The following WDFY3 variants were observed in gnomAD, a reference collection of about 807,000 sequenced individuals.
WDFY3 encodes WD repeat and FYVE domain containing 3, also known as WD repeat and FYVE domain-containing protein 3.
WDFY3 carries 66 observed loss-of-function variants against 409.6 expected under a neutral mutation model. The ratio of observed to expected loss-of-function variants is 0.16; its 90% CI spans 0.13 to 0.20. The LOEUF is 0.20. Among genes scored for constraint, WDFY3 ranks in the 10% least tolerant of loss-of-function variants. WDFY3 has a pLI of 1.00. For synonymous variants in WDFY3, 1,521 were observed against 1,537.1 expected, an observed-to-expected ratio of 0.99 and a Z score of 0.25; for missense variants, 3,031 against 4,298.1, an observed-to-expected ratio of 0.71 and a Z score of 8.24.
chr4:84,684,237 A>C lies in WDFY3; in HGVS notation c.9544-112T>G, dbSNP rs962293574. 9 of 1,006,160 alleles carry C rather than the reference A, an allele frequency of 8.9e-6. No individual in the cohort carries two copies. The Admixed American group carries it at 2.5e-4, about 28-fold the overall frequency. 62.3% of individuals were successfully genotyped at this position (1,006,160 alleles called of 1,614,324 possible). On this transcript the variant is annotated intron_variant, in intron 62 of 67. Coordinates refer to ENST00000295888, the MANE Select transcript of WDFY3 (RefSeq NM_014991.6). ...TCTCAGAAAGCCTTTCAGTCCTAAG[A>C]CTAGTGGCTAATTTCTTAGGTAACC...
In WDFY3 at chr4:84,794,512, TACTG is replaced by T; in HGVS notation, c.3487+3_3487+6del. Reference sequence around the variant, plus strand: ...ATCAAAAGAAGAAAACAAAAAAAAATACTGACCATAATTTTGGAGGAGTTCCTCT... The same window carrying T: ...ATCAAAAGAAGAAAACAAAAAAAAATACCATAATTTTGGAGGAGTTCCTCT... On this transcript the variant is annotated splice_donor_5th_base_variant and intron_variant, in intron 21 of 67. Coordinates refer to ENST00000295888, the MANE Select transcript of WDFY3 (RefSeq NM_014991.6). 1 of 1,606,876 alleles carries T rather than the reference TACTG, an allele frequency of 6.2e-7. No homozygotes were observed. Among genetic ancestry groups the T allele is most frequent in the East Asian group, 2.2e-5 (1 of 44,820 alleles).
At chr4:84,814,537 C>A (rs1752990490) in intron 13 of WDFY3, among the ~76,000 whole-genome samples, 1 of 152,124 alleles carries the variant, frequency 6.6e-6, no homozygotes, top group Non-Finnish European at 1.5e-5. Flanking sequence ...AAATCTCACA[C>A]TGCCCCACAC....
chr4:84,728,338 G>T (rs189334508), intron 44 of WDFY3, among the ~76,000 whole-genome samples: 27 of 152,208 alleles, frequency 1.8e-4, no homozygotes, highest in Admixed American at 1.7e-3. Flanking sequence ...AGACCAGCCT[G>T]GGCAACATAG....
Position 84,733,539 on chromosome 4 carries a change from C to A in WDFY3, c.7064G>T (p.Arg2355Leu). The A allele has an allele frequency of 1.2e-6, 2 of 1,614,130 alleles. No homozygotes were observed. The highest frequency in any genetic ancestry group is 1.7e-6 in the Non-Finnish European group (2 of 1,180,028). ...CQIECELLRE[R>L]GLWGPPIGSH... The stretch of plus-strand genomic sequence containing the variant: ...GCCGATGGGAGGGCCCCACAGCCCC[C>A]GCTCCCTCAACAGCTCGCACTCGAT... The change falls in exon 44 of 68, where the codon CGG (arginine) becomes CTG (leucine). Residue 2355 changes from arginine (R) to leucine (L), a missense_variant. This residue lies in a region of WDFY3 where 98 missense variants were observed against 194.9 expected (regional missense o/e 0.50). Coordinates refer to ENST00000295888, the MANE Select transcript of WDFY3 (RefSeq NM_014991.6).
chr4:84,707,431 T>C (rs1732151968), intron 53 of WDFY3, among the ~76,000 whole-genome samples: 1 of 152,182 alleles, frequency 6.6e-6, no homozygotes, highest in African/African-American at 2.4e-5. Context: ...CCTTGGCCAC[T>C]GAGCAGACAT....
In WDFY3 at chr4:84,803,358, T is replaced by A. The variant is rs374934004; in HGVS notation, c.2539A>T (p.Ile847Phe). ...SSLQSSDAVIIHPGAMLAMLD... is the reference protein window; with the variant it reads ...SSLQSSDAVIFHPGAMLAMLD... ...ATGGCAAGCATGGCTCCAGGATGAATGATGACTGCATCAGAACTCTGCAGA... is the reference window on the plus strand; with the variant it reads ...ATGGCAAGCATGGCTCCAGGATGAAAGATGACTGCATCAGAACTCTGCAGA... The change falls in exon 16 of 68, where the codon ATT (isoleucine) becomes TTT (phenylalanine). Residue 847 changes from isoleucine (I) to phenylalanine (F), a missense_variant. Coordinates refer to ENST00000295888, the MANE Select transcript of WDFY3 (RefSeq NM_014991.6). 34 of 1,614,016 alleles carry A rather than the reference T, an allele frequency of 2.1e-5. No homozygotes were observed. The highest frequency in any genetic ancestry group is 1.5e-4 in the African/African-American group (11 of 74,928).
chr4:84,696,969 A>T, intron 56 of WDFY3, 146 bp from the exon 57 acceptor site: 1 of 644,970 alleles, frequency 1.6e-6, no homozygotes, highest in Non-Finnish European at 2.6e-6. Flanking sequence ...GAGATTATCA[A>T]CTCTAGCATC....
At chr4:84,922,826 C>G (rs1769464577) in intron 2 of WDFY3, among the ~76,000 whole-genome samples, 1 of 152,186 alleles carries the variant, frequency 6.6e-6, no homozygotes, top group South Asian at 2.1e-4. Flanking sequence ...TGCCAGTGAT[C>G]CCCCTGCCTC....
At chr4:84,846,692 C>T (rs1046878491) in intron 5 of WDFY3, among the ~76,000 whole-genome samples, 2 of 150,328 alleles carry the variant, frequency 1.3e-5, no homozygotes, top group African/African-American at 4.9e-5. Context: ...TGAATACATC[C>T]ATTAAAATGC....
At chr4:84,679,302 G>A in intron 64 of WDFY3, 60 bp from the exon 65 acceptor site, 5 of 1,414,902 alleles carry the variant, frequency 3.5e-6, no homozygotes, top group Non-Finnish European at 4.7e-6. Flanking sequence ...ACCCAGCTTT[G>A]TTCTGCTAGT....
intron 3 of WDFY3, among the ~76,000 whole-genome samples, chr4:84,873,260 G>C (rs1762363560): frequency 6.6e-6 from 1 of 152,038 alleles, no homozygotes; most frequent in African/African-American, 2.4e-5. Context: ...CATTCACCAA[G>C]ACAGACCACA....
intron 36 of WDFY3, 108 bp downstream of exon 36, chr4:84,751,375 C>A: frequency 1.7e-6 from 2 of 1,155,536 alleles, no homozygotes; most frequent in Non-Finnish European, 1.3e-6. Flanking sequence ...TCTGCCTACA[C>A]ATAAACAAGA....
Position 84,736,155 on chromosome 4 carries a change from A to G in WDFY3, c.6915+15T>C. 6.2e-7 allele frequency: 1 copy of G among 1,601,880 alleles called. No homozygotes were observed. The highest frequency in any genetic ancestry group is 1.3e-5 in the African/African-American group (1 of 74,296). On this transcript the variant is annotated intron_variant, in intron 42 of 67. Coordinates refer to ENST00000295888, the MANE Select transcript of WDFY3 (RefSeq NM_014991.6). ...AATACTACAACTAATATCAGCAATGAAACTAAAAAAGTACCTGGGTGGAAA... is the reference window on the plus strand; with the variant it reads ...AATACTACAACTAATATCAGCAATGGAACTAAAAAAGTACCTGGGTGGAAA...
intron 1 of WDFY3, among the ~76,000 whole-genome samples, chr4:84,945,644 T>C (rs1371261431): frequency 2.6e-5 from 4 of 152,114 alleles, no homozygotes; most frequent in African/African-American, 9.7e-5. Context: ...TGGGGTGCTG[T>C]CCTATAGTAC....
chr4:84,798,844 T>C (rs1358767283), intron 17 of WDFY3, among the ~76,000 whole-genome samples: 1 of 152,090 alleles, frequency 6.6e-6, no homozygotes, highest in African/African-American at 2.4e-5. Context: ...AACTTAAATC[T>C]ACACAGTGTC....
At chr4:84,711,766 G>A (rs1463553327) in intron 51 of WDFY3, among the ~76,000 whole-genome samples, 10 of 151,808 alleles carry the variant, frequency 6.6e-5, no homozygotes, top group South Asian at 6.3e-4. Context: ...CAGAAGAATC[G>A]TTTGAACCTG....
At chr4:84,741,461 C>T (rs187089506) in intron 38 of WDFY3, among the ~76,000 whole-genome samples, 3 of 151,990 alleles carry the variant, frequency 2.0e-5, no homozygotes, top group Non-Finnish European at 2.9e-5. Flanking sequence ...ATTACAGGCG[C>T]GCACCAACAT....
chr4:84,714,026 A>G (rs905888228), intron 50 of WDFY3, among the ~76,000 whole-genome samples: 20 of 152,058 alleles, frequency 1.3e-4, no homozygotes, highest in Non-Finnish European at 2.8e-4. Context: ...TGAGGCAGGA[A>G]AATTGCTTGA....
At chr4:84,892,140 T>G (rs917149999) in intron 3 of WDFY3, among the ~76,000 whole-genome samples, 1 of 151,982 alleles carries the variant, frequency 6.6e-6, no homozygotes, top group African/African-American at 2.4e-5. Flanking sequence ...GATGGCATTA[T>G]AAGCATTGAC....
Sources: allele counts gnomAD v4.1 joint callset (sites outside exome capture counted in the v4.1 genomes callset), GRCh38; gene constraint gnomAD v4.1.1; regional missense constraint gnomAD v4.1.1; transcripts MANE v1.5; gene names NCBI Gene and HGNC (gene_info 2026-07-23, HGNC 2026-07-21).